The following TUBGCP3 variants were observed in gnomAD, a reference collection of about 807,000 sequenced individuals.
TUBGCP3 encodes the protein tubulin gamma complex component 3.
TUBGCP3 carries 50 observed loss-of-function variants against 123.1 expected under a neutral mutation model. The ratio of observed to expected loss-of-function variants is 0.41; its 90% confidence interval spans 0.32 to 0.51. The LOEUF is 0.51. Among genes scored for constraint, TUBGCP3 ranks in the 20% least tolerant of loss-of-function variants. The pLI, the probability that TUBGCP3 is intolerant of heterozygous loss-of-function variation, is 0.36. For synonymous variants in TUBGCP3, 405 were observed against 413.9 expected (o/e 0.98, Z 0.26); for missense variants, 882 against 1,127.0 (o/e 0.78, Z 3.11).
chr13:112,512,999 C>T (rs989798289), intron 17 of TUBGCP3, among the ~76,000 whole-genome samples: 1 of 152,046 alleles, frequency 6.6e-6, no homozygotes, highest in Non-Finnish European at 1.5e-5. Context: ...CCTTGTTTTC[C>T]CTCAAGAACA....
At chr13:112,499,426 C>T (rs996911053) in intron 19 of TUBGCP3, among the ~76,000 whole-genome samples, 1 of 152,194 alleles carries the variant, frequency 6.6e-6, no homozygotes, top group African/African-American at 2.4e-5. Context: ...CAAGAGCAAT[C>T]GTGACTGCCC....
intron 11 of TUBGCP3, among the ~76,000 whole-genome samples, chr13:112,541,413 G>T (rs1420215925): frequency 6.6e-6 from 1 of 151,994 alleles, no homozygotes; most frequent in East Asian, 1.9e-4. Flanking sequence ...GAGGTGGCAC[G>T]TGCCTGTAAT....
At chr13:112,543,449 A>G (rs1878699726) in intron 11 of TUBGCP3, among the ~76,000 whole-genome samples, 1 of 152,362 alleles carries the variant, frequency 6.6e-6, no homozygotes, top group South Asian at 2.1e-4. Flanking sequence ...AAAATTTTTA[A>G]AAGAACTTTT....
intron 20 of TUBGCP3, among the ~76,000 whole-genome samples, chr13:112,496,459 C>G (rs1215643024): frequency 6.6e-6 from 1 of 152,236 alleles, no homozygotes; most frequent in South Asian, 2.1e-4. Context: ...CAGGGGACCT[C>G]AGGTCGAAAT....
chr13:112,604,183 T>C, the TUBGCP3 span: 1 of 151,512 alleles, frequency 6.6e-6, no homozygotes, highest in African/African-American at 2.4e-5. Flanking sequence ...TCCAGATCTT[T>C]AGAGTCTTGT....
At position 112,524,708 on chromosome 13, in the gene TUBGCP3, T is replaced by C. The variant is rs1876909410; in HGVS notation, c.1556-2199A>G. Among the ~76,000 whole-genome samples the C allele has an allele frequency of 6.6e-6, 1 of 152,066 alleles. No homozygotes were observed. The highest frequency in any genetic ancestry group is 2.4e-5 in the African/African-American group (1 of 41,402). ...ATGGCTCTCACATGCCTGGAAAGGG[T>C]GTCTCCCCTGGACCACACGGGAGCT... On this transcript the variant is annotated intron_variant, in intron 13 of 21. Coordinates refer to ENST00000261965, the MANE Select transcript of TUBGCP3 (RefSeq NM_006322.6). This position sits in a 1 kb window ranked among gnomAD's most constrained non-coding sequence, Gnocchi z 4.4.
intron 14 of TUBGCP3, among the ~76,000 whole-genome samples, chr13:112,520,970 G>A (rs1179411433): frequency 6.6e-6 from 1 of 152,140 alleles, no homozygotes; most frequent in Non-Finnish European, 1.5e-5. Context: ...GAGGAGAAAT[G>A]AATTTTTCAT....
chr13:112,518,980 C>T lies in TUBGCP3; in HGVS notation c.1945G>A (p.Ala649Thr). ...SLDYHVDGPI[A>T]TVFTRECMSH... Reference sequence around the variant, plus strand: ...ATGATGCAGGATAATCTTACAGTTGCAATTGGTCCGTCAACATGATAATCG... The same window carrying T: ...ATGATGCAGGATAATCTTACAGTTGTAATTGGTCCGTCAACATGATAATCG... The change falls in exon 16 of 22, where the codon GCA becomes ACA. Residue 649 changes from alanine (A) to threonine (T), a missense_variant. By Grantham distance (58) the Ala-to-Thr change is moderately conservative. Transcript: ENST00000261965. 6.2e-7 allele frequency: 1 copy of T among 1,612,860 alleles called. No individual in the cohort carries two copies. Among genetic ancestry groups the T allele is most frequent in the Non-Finnish European group, 8.5e-7 (1 of 1,178,836 alleles).
intron 20 of TUBGCP3, among the ~76,000 whole-genome samples, chr13:112,497,021 G>A (rs1167302755): frequency 1.3e-5 from 2 of 151,652 alleles, no homozygotes; most frequent in African/African-American, 2.4e-5. Context: ...GATTTTGGTC[G>A]ATTTTGAGAC....
chr13:112,593,251 T>C, the TUBGCP3 span, among the ~76,000 whole-genome samples: 1 of 152,016 alleles, frequency 6.6e-6, no homozygotes, highest in East Asian at 1.9e-4. Context: ...AAACCCCATC[T>C]CTACAAAAAT....
upstream of TUBGCP3, chr13:112,588,225 C>A (rs528786054): frequency 1.6e-4 from 60 of 371,920 alleles, no homozygotes; most frequent in South Asian, 4.6e-3. Context: ...GCGTTCCCGG[C>A]CCTGTCTGGT....
intron 17 of TUBGCP3, among the ~76,000 whole-genome samples, chr13:112,510,150 A>G (rs1291459913): frequency 6.6e-6 from 1 of 152,136 alleles, no homozygotes; most frequent in Non-Finnish European, 1.5e-5. Context: ...CTTGGGCAGC[A>G]GCTAAGTGCC....
Position 112,550,706 on chromosome 13 carries a change from G to A in TUBGCP3, c.967-2530C>T, listed in dbSNP as rs116238105. Among the ~76,000 whole-genome samples the A allele has an allele frequency of 5.8e-3, 879 of 152,348 alleles. 9 individuals carry two copies. Among genetic ancestry groups the A allele is most frequent in the African/African-American group, 0.02 (846 of 41,584 alleles). On this transcript the variant is annotated intron_variant, in intron 8 of 21. Coordinates refer to ENST00000261965, the MANE Select transcript of TUBGCP3 (RefSeq NM_006322.6). ...GTAATATTTACAGAGAAAACGACATGGAATCTGCTCAGGCACAGCATCACT... is the reference window on the plus strand; with the variant it reads ...GTAATATTTACAGAGAAAACGACATAGAATCTGCTCAGGCACAGCATCACT...
intron 8 of TUBGCP3, among the ~76,000 whole-genome samples, chr13:112,548,675 G>A (rs920501707): frequency 6.6e-6 from 1 of 152,170 alleles, no homozygotes; most frequent in African/African-American, 2.4e-5. Context: ...AGTGGGCAAA[G>A]CATATGAACA....
chr13:112,549,448 C>T lies in TUBGCP3; in HGVS notation c.967-1272G>A, dbSNP rs1047012021. 2.6e-5 allele frequency among the ~76,000 whole-genome samples: 4 copies of T among 151,564 alleles called. 1 individual carries two copies. Among genetic ancestry groups the T allele is most frequent in the Admixed American group, 2.6e-4 (4 of 15,210 alleles). On this transcript the variant is annotated intron_variant, in intron 8 of 21. Transcript: ENST00000261965. ...TGTATACATATGTAACAAACCTGCA[C>T]GTTGTGCACATGTACCCTAAAACTT...
chr13:112,602,490 G>A, the TUBGCP3 span, among the ~76,000 whole-genome samples: 3 of 152,064 alleles, frequency 2.0e-5, no homozygotes, highest in Non-Finnish European at 2.9e-5. Flanking sequence ...CTTTTCCCTC[G>A]GCACTGAGCA....
At chr13:112,539,388 AAACCGGTAGGT>A (rs1878318492) in intron 11 of TUBGCP3, among the ~76,000 whole-genome samples, 1 of 152,212 alleles carries the variant, frequency 6.6e-6, no homozygotes, top group Non-Finnish European at 1.5e-5. Flanking sequence ...ACAATGAGAT[AAACCGGTAGGT>A]GGTATATGCC....
intron 1 of TUBGCP3, among the ~76,000 whole-genome samples, chr13:112,581,044 C>T (rs1882241958): frequency 6.6e-6 from 1 of 151,278 alleles, no homozygotes; most frequent in Non-Finnish European, 1.5e-5. Flanking sequence ...ACCCATCACA[C>T]TCACAACAGA....
intron 8 of TUBGCP3, among the ~76,000 whole-genome samples, chr13:112,552,373 T>C (rs1879658022): frequency 6.6e-6 from 1 of 152,190 alleles, no homozygotes; most frequent in Non-Finnish European, 1.5e-5. Flanking sequence ...ACAGGGACTC[T>C]AAAATTACAG....
Sources: allele counts gnomAD v4.1 joint callset (sites outside exome capture counted in the v4.1 genomes callset), GRCh38; gene constraint gnomAD v4.1.1; non-coding constraint Gnocchi (gnomAD v3.1); transcripts MANE v1.5; gene names NCBI Gene and HGNC (gene_info 2026-07-23, HGNC 2026-07-21).